AUTS2: variants seen among roughly 807,000 people sequenced by gnomAD.
AUTS2 encodes the protein activator of transcription and developmental regulator AUTS2.
AUTS2 carries 17 observed loss-of-function variants against 112.4 expected under a neutral mutation model. The ratio of observed to expected loss-of-function variants is 0.15; its 90% CI spans 0.10 to 0.23. The LOEUF is 0.23. Among genes scored for constraint, AUTS2 ranks in the 10% least tolerant of loss-of-function variants. The pLI is 1.00. For missense variants in AUTS2, 1,510 were observed against 1,701.6 expected (o/e 0.89, Z 1.98); for synonymous variants, 751 against 702.7 (o/e 1.07, Z -1.09).
chr7:70,133,298 C>G (rs1806372689), intron 3 of AUTS2, among the ~76,000 whole-genome samples: 1 of 152,140 alleles, frequency 6.6e-6, no homozygotes, highest in African/African-American at 2.4e-5. Flanking sequence ...TCACCATCTG[C>G]TGTATTTTTA....
intron 4 of AUTS2, among the ~76,000 whole-genome samples, chr7:70,315,065 G>A (rs1203514472): frequency 1.3e-5 from 2 of 152,122 alleles, no homozygotes; most frequent in Non-Finnish European, 2.9e-5. Context: ...ATCCTATTGT[G>A]CTAATAAAAT....
At chr7:69,647,821 TA>T (rs1186797915) in intron 1 of AUTS2, among the ~76,000 whole-genome samples, 1 of 152,224 alleles carries the variant, frequency 6.6e-6, no homozygotes, top group African/African-American at 2.4e-5. Flanking sequence ...CTTAAGCCTA[TA>T]GGGGAATCTT....
intron 5 of AUTS2, among the ~76,000 whole-genome samples, chr7:70,571,495 T>C (rs971513036): frequency 7.9e-5 from 12 of 152,122 alleles, no homozygotes; most frequent in Non-Finnish European, 1.3e-4. Context: ...GAAGACCAGT[T>C]TGATGGGAGA....
chr7:69,620,973 A>G (rs1157954495), intron 1 of AUTS2, among the ~76,000 whole-genome samples: 1 of 152,196 alleles, frequency 6.6e-6, no homozygotes, highest in African/African-American at 2.4e-5. Flanking sequence ...AGAGAGATAC[A>G]AGATCTTTTT....
chr7:69,966,081 C>A (rs754354757), intron 2 of AUTS2, among the ~76,000 whole-genome samples: 2 of 152,168 alleles, frequency 1.3e-5, no homozygotes, highest in South Asian at 4.1e-4. Flanking sequence ...TGCTGCTTAG[C>A]TCAATGATAA....
At chr7:69,763,667 T>A (rs144242538) in intron 1 of AUTS2, among the ~76,000 whole-genome samples, 1 of 152,344 alleles carries the variant, frequency 6.6e-6, no homozygotes, top group African/African-American at 2.4e-5. Context: ...GTATCTTTAT[T>A]TCTGCATCTG....
chr7:69,984,537 T>C (rs1227937676), intron 2 of AUTS2, among the ~76,000 whole-genome samples: 1 of 152,202 alleles, frequency 6.6e-6, no homozygotes, highest in African/African-American at 2.4e-5. Flanking sequence ...GCATGCATTT[T>C]TTTTTACCGT....
intron 5 of AUTS2, among the ~76,000 whole-genome samples, chr7:70,453,309 A>G (rs1292778369): frequency 6.6e-6 from 1 of 152,232 alleles, no homozygotes; most frequent in Non-Finnish European, 1.5e-5. Flanking sequence ...GTGATCCAGA[A>G]AACACACTTT....
intron 4 of AUTS2, among the ~76,000 whole-genome samples, chr7:70,349,344 G>A (rs973977673): frequency 7.4e-6 from 1 of 135,472 alleles, no homozygotes; most frequent in Admixed American, 7.2e-5. Flanking sequence ...AGTGATTAAA[G>A]TAAAACCAGG....
At chr7:70,614,353 G>C (rs538926076) in intron 5 of AUTS2, among the ~76,000 whole-genome samples, 2 of 152,016 alleles carry the variant, frequency 1.3e-5, no homozygotes, top group Non-Finnish European at 2.9e-5. Context: ...CCATGACAAC[G>C]CCTTGGATGT....
intron 2 of AUTS2, among the ~76,000 whole-genome samples, chr7:69,930,711 C>T (rs1161926397): frequency 6.6e-6 from 1 of 152,170 alleles, no homozygotes; most frequent in Non-Finnish European, 1.5e-5. Context: ...ATTTGTCCTT[C>T]TCTGCCTTCT....
At chr7:69,658,464 A>G (rs1795642730) in intron 1 of AUTS2, among the ~76,000 whole-genome samples, 1 of 152,202 alleles carries the variant, frequency 6.6e-6, no homozygotes, top group Admixed American at 6.5e-5. Context: ...TGGTTCGTTT[A>G]TTAGAGCTAG....
In AUTS2 at chr7:69,858,215, A is replaced by G. The variant is rs149424086; in HGVS notation, c.310-41071A>G. On this transcript the variant is annotated intron_variant, in intron 1 of 18. Coordinates refer to ENST00000342771, the MANE Select transcript of AUTS2 (RefSeq NM_015570.4). Reference sequence around the variant, plus strand: ...GTCCTTCGTGTGGTAGGTCCAAAATATTATCTTTGTATGTTCAAAGTAGCA... The same window carrying G: ...GTCCTTCGTGTGGTAGGTCCAAAATGTTATCTTTGTATGTTCAAAGTAGCA... Among the ~76,000 whole-genome samples the G allele has an allele frequency of 5.5e-3, 840 of 152,270 alleles. 4 individuals carry two copies. Among genetic ancestry groups the G allele is most frequent in the Middle Eastern group, 0.037 (11 of 294 alleles).
At chr7:69,619,286 T>C (rs1793540075) in intron 1 of AUTS2, among the ~76,000 whole-genome samples, 1 of 152,076 alleles carries the variant, frequency 6.6e-6, no homozygotes, top group East Asian at 1.9e-4. Context: ...ACTTAGAGAG[T>C]AGGAGTGAGG....
In AUTS2 at chr7:70,734,208, G is replaced by A. The variant is rs578127956; in HGVS notation, c.743-28662G>A. Among the ~76,000 whole-genome samples, 56 of 152,072 alleles carry A rather than the reference G, an allele frequency of 3.7e-4. 1 individual carries two copies. In the South Asian group the frequency reaches 0.01, roughly 28 times the overall value. ...TAATCCCAGCACTTTGGGAGGCCGA[G>A]GCGGGCGGATCACGAGGTCAGGAGA... On this transcript the variant is annotated intron_variant, in intron 6 of 18. Coordinates refer to ENST00000342771, the MANE Select transcript of AUTS2 (RefSeq NM_015570.4).
chr7:70,591,096 T>C (rs557092894), intron 5 of AUTS2, among the ~76,000 whole-genome samples: 1 of 152,258 alleles, frequency 6.6e-6, no homozygotes, highest in South Asian at 2.1e-4. Flanking sequence ...TGGCCTGCCT[T>C]TGTGTGTGAC....
intron 1 of AUTS2, among the ~76,000 whole-genome samples, chr7:69,863,293 T>C (rs1236725972): frequency 2.6e-5 from 4 of 152,226 alleles, no homozygotes; most frequent in Non-Finnish European, 4.4e-5. Context: ...TTACATACCA[T>C]TTAAATTATA....
At chr7:70,328,940 C>A (rs1422854499) in intron 4 of AUTS2, among the ~76,000 whole-genome samples, 2 of 152,130 alleles carry the variant, frequency 1.3e-5, no homozygotes, top group Non-Finnish European at 2.9e-5. Flanking sequence ...GTAGTCTGTA[C>A]CTATCCCTTC....
chr7:70,720,983 C>T (rs1265719318), intron 6 of AUTS2, among the ~76,000 whole-genome samples: 1 of 152,032 alleles, frequency 6.6e-6, no homozygotes, highest in African/African-American at 2.4e-5. Context: ...GGAAACAGAC[C>T]TCTGGCATCT....
Sources: gnomAD v4.1 joint callset for allele counts (sites outside exome capture counted in the v4.1 genomes callset) on GRCh38, gnomAD v4.1.1 for gene constraint, MANE v1.5 for transcripts, NCBI Gene and HGNC (gene_info 2026-07-23, HGNC 2026-07-21) for gene names.